Variants in PGR observed in about 807,000 individuals in gnomAD.
The protein encoded by PGR is progesterone receptor.
PGR carries 25 observed loss-of-function variants against 76.1 expected under a neutral mutation model. The ratio of observed to expected loss-of-function variants is 0.33; its 90% confidence interval spans 0.24 to 0.46. The LOEUF (loss-of-function observed/expected upper bound fraction) is 0.46, where lower values mean the gene tolerates loss of function less well. Ranked by LOEUF, PGR falls within the 20% of genes least tolerant of loss-of-function variation. PGR has a pLI of 1.00. For missense variants in PGR, 1,172 were observed against 1,225.3 expected, an observed-to-expected ratio of 0.96 and a Z score of 0.65; for synonymous variants, 579 against 535.0, an observed-to-expected ratio of 1.08 and a Z score of -1.14.
chr11:101,118,367 A>G (rs1027211764), intron 2 of PGR, among the ~76,000 whole-genome samples: 1 of 152,232 alleles, frequency 6.6e-6, no homozygotes, highest in Non-Finnish European at 1.5e-5. Context: ...TATTTCGTAC[A>G]AATGCTACAG....
At chr11:101,108,982 A>G (rs1442980656) in intron 2 of PGR, among the ~76,000 whole-genome samples, 1 of 152,150 alleles carries the variant, frequency 6.6e-6, no homozygotes, top group Non-Finnish European at 1.5e-5. Flanking sequence ...TTTCATTATC[A>G]TCTCTGCTAT....
chr11:101,096,543 T>C (rs1013477115), intron 2 of PGR, among the ~76,000 whole-genome samples: 2 of 152,034 alleles, frequency 1.3e-5, no homozygotes, highest in African/African-American at 4.8e-5. Context: ...CCACCAAGAA[T>C]GCAATGAATG....
At chr11:101,095,363 G>C (rs1861803053) in intron 2 of PGR, among the ~76,000 whole-genome samples, 1 of 152,088 alleles carries the variant, frequency 6.6e-6, no homozygotes, top group African/African-American at 2.4e-5. Flanking sequence ...TCAAAGCTCA[G>C]ATCTGCAACT....
At chr11:101,067,252 G>C (rs1860754184) in intron 3 of PGR, among the ~76,000 whole-genome samples, 1 of 152,030 alleles carries the variant, frequency 6.6e-6, no homozygotes, top group African/African-American at 2.4e-5. Context: ...TTATCAGATA[G>C]CTTGTTTTTA....
Position 101,128,337 on chromosome 11 carries a change from C to T in PGR, c.734G>A (p.Gly245Asp), listed in dbSNP as rs1185502243. Residue 245 changes from glycine to aspartate, a missense_variant, in exon 1 of 8, where the codon GGT (glycine) becomes GAT (aspartate). This residue lies in a region of PGR where 893 missense variants were observed against 785.9 expected (regional missense o/e 1.14). Transcript: ENST00000325455. ...GGCTCCTCCTCCAGCCGCCGCGCCA[C>T]CCAGAGCCCGAGGTTTGCCCTTCAG... is the stretch of plus-strand genomic sequence containing the variant. ...PLLKGKPRALGGAAAGGGAAA... is the reference protein window; with the variant it reads ...PLLKGKPRALDGAAAGGGAAA... 4 of 1,599,820 alleles carry T rather than the reference C, an allele frequency of 2.5e-6. No individual in the cohort carries two copies. Among genetic ancestry groups the T allele is most frequent in the East Asian group, 2.2e-5 (1 of 44,656 alleles).
At chr11:101,055,414 C>CAAAAA (rs61303675) in intron 4 of PGR, among the ~76,000 whole-genome samples, 2 of 65,040 alleles carry the variant, frequency 3.1e-5, no homozygotes, top group African/African-American at 6.5e-5. Context: ...GACTCCATCT[C>CAAAAA]AAAAAAAAAA....
chr11:101,118,096 G>A (rs549994694), intron 2 of PGR, among the ~76,000 whole-genome samples: 104 of 152,280 alleles, frequency 6.8e-4, no homozygotes, highest in African/African-American at 2.4e-3. Flanking sequence ...CACACTGCAG[G>A]CTCCTTGAAA....
intron 3 of PGR, among the ~76,000 whole-genome samples, chr11:101,090,872 C>T (rs1338996442): frequency 6.6e-6 from 1 of 152,184 alleles, no homozygotes; most frequent in African/African-American, 2.4e-5. Flanking sequence ...ACGCTTTAAA[C>T]TTGACAAGCA....
chr11:101,077,878 A>T (rs1337092421), intron 3 of PGR, among the ~76,000 whole-genome samples: 1 of 152,178 alleles, frequency 6.6e-6, no homozygotes, highest in Non-Finnish European at 1.5e-5. Context: ...CCCATTAAGA[A>T]GAAGATTCTG....
chr11:101,128,675 G>A lies in PGR; in HGVS notation c.396C>T (p.Pro132=), dbSNP rs757216170. 3 of 1,598,798 alleles carry A rather than the reference G, an allele frequency of 1.9e-6. No individual in the cohort carries two copies. Among genetic ancestry groups the A allele is most frequent in the Admixed American group, 1.7e-5 (1 of 57,884 alleles). The change falls in exon 1 of 8, where the codon CCC becomes CCT. Residue 132 remains proline, a synonymous_variant. Transcript: ENST00000325455. ...ACCAAGAGCTGGTGACCTCGCAGGC[G>A]GGAGGGCTGGGTTGGCTCTGCCCGG... ...SGPGQSQPSP[P]ACEVTSSWCL...
chr11:101,093,346 G>A (rs906934012), intron 2 of PGR, among the ~76,000 whole-genome samples: 1 of 151,478 alleles, frequency 6.6e-6, no homozygotes, highest in Admixed American at 6.6e-5. Context: ...TATATATTTA[G>A]GCTATAGGAG....
chr11:101,093,934 C>T (rs73571787), intron 2 of PGR, among the ~76,000 whole-genome samples: 27 of 152,284 alleles, frequency 1.8e-4, no homozygotes, highest in African/African-American at 6.0e-4. Context: ...TCTAAAATGG[C>T]CTACGATATC....
At chr11:101,094,097 C>T (rs2135460344) in intron 2 of PGR, among the ~76,000 whole-genome samples, 1 of 152,204 alleles carries the variant, frequency 6.6e-6, no homozygotes, top group African/African-American at 2.4e-5. Flanking sequence ...CAGTGATGTC[C>T]TGCTCTCTCA....
intron 2 of PGR, among the ~76,000 whole-genome samples, chr11:101,098,485 G>A (rs1321038664): frequency 6.6e-6 from 1 of 152,132 alleles, no homozygotes; most frequent in Non-Finnish European, 1.5e-5. Context: ...GAAGCAACAT[G>A]AGCTGGTCCA....
intron 6 of PGR, among the ~76,000 whole-genome samples, chr11:101,046,009 C>T (rs1859862629): frequency 6.6e-6 from 1 of 152,068 alleles, no homozygotes; most frequent in African/African-American, 2.4e-5. Flanking sequence ...AGGTTACCAA[C>T]CAATCCCTAT....
intron 3 of PGR, among the ~76,000 whole-genome samples, chr11:101,067,385 C>T (rs1860758118): frequency 6.6e-6 from 1 of 152,002 alleles, no homozygotes; most frequent in Admixed American, 6.6e-5. Flanking sequence ...CAAAATACAA[C>T]AATATGACTG....
At chr11:101,067,159 A>G (rs545845) in intron 3 of PGR, among the ~76,000 whole-genome samples, 111,254 of 151,990 alleles carry the variant, frequency 0.73, 41,050 homozygotes, top group East Asian at 0.99. Context: ...TTACACTGAC[A>G]AGTTCCTCTG....
At chr11:101,127,080 C>G (rs1862861671) in intron 1 of PGR, 1 of 167,050 alleles carries the variant, frequency 6.0e-6, no homozygotes, top group Admixed American at 6.4e-5. Flanking sequence ...CACTTTCTGC[C>G]CCACTGGGCT....
intron 3 of PGR, among the ~76,000 whole-genome samples, chr11:101,067,256 G>GT (rs1565341577): frequency 6.6e-6 from 1 of 151,990 alleles, no homozygotes; most frequent in African/African-American, 2.4e-5. Context: ...CAGATAGCTT[G>GT]TTTTTATCTA....
Sources: gnomAD v4.1 joint callset for allele counts (sites outside exome capture counted in the v4.1 genomes callset) on GRCh38, gnomAD v4.1.1 for gene constraint, gnomAD v4.1.1 regional missense constraint, MANE v1.5 for transcripts, NCBI Gene and HGNC (gene_info 2026-07-23, HGNC 2026-07-21) for gene names.